Variants in SCP2 observed in about 807,000 individuals in gnomAD.
SCP2 encodes the protein SCP-2/3-oxoacyl-CoA thiolase.
In SCP2, 48 loss-of-function variants were observed where a neutral mutation model predicts 71.4. The observed-to-expected ratio is 0.67, with a 90% CI of 0.53 to 0.86. The LOEUF (loss-of-function observed/expected upper bound fraction) is 0.86. SCP2 is among the 40% of genes least tolerant of loss of function. The pLI, the probability that SCP2 is intolerant of heterozygous loss-of-function variation, is 0.00. For synonymous variants in SCP2, 220 were observed against 218.1 expected (o/e 1.01, Z -0.08); for missense variants, 560 against 655.6 (o/e 0.85, Z 1.59).
intron 6 of SCP2, among the ~76,000 whole-genome samples, chr1:52,970,947 A>G (rs1657416640): frequency 7.2e-6 from 1 of 139,030 alleles, no homozygotes; most frequent in African/African-American, 2.7e-5. Context: ...TATTGGTTTT[A>G]GAGGCTATAG....
rs1572208832 is a variant in SCP2 at position 53,028,587 on chromosome 1, T to A, written c.1338+516T>A. ...TTAAAAAATACTATACAGAAATATA[T>A]GTTTATGAATAGTATAAATTTTATA... On this transcript the variant is annotated intron_variant, in intron 13 of 15. Transcript: ENST00000371514. Among the ~76,000 whole-genome samples, 3 of 152,138 alleles carry A rather than the reference T, an allele frequency of 2.0e-5. No individual in the cohort carries two copies. In the East Asian group the frequency reaches 5.8e-4, roughly 29 times the overall value.
intron 11 of SCP2, among the ~76,000 whole-genome samples, chr1:53,005,580 T>G (rs1660581980): frequency 6.6e-6 from 1 of 152,080 alleles, no homozygotes. Flanking sequence ...GAAGGAAAAT[T>G]AACAAACAGA....
At chr1:53,033,541 G>A (rs1450575641) in intron 13 of SCP2, among the ~76,000 whole-genome samples, 3 of 147,958 alleles carry the variant, frequency 2.0e-5, no homozygotes, top group African/African-American at 7.5e-5. Context: ...GGAGGCAGAC[G>A]TTGCAGTGAG....
At chr1:52,943,026 A>G (rs945949274) in intron 2 of SCP2, among the ~76,000 whole-genome samples, 2 of 151,906 alleles carry the variant, frequency 1.3e-5, no homozygotes, top group African/African-American at 2.4e-5. Context: ...TTATCCCTGC[A>G]GTTATACTAA....
intron 2 of SCP2, among the ~76,000 whole-genome samples, chr1:52,947,301 G>C (rs1190740089): frequency 1.5e-5 from 2 of 136,758 alleles, no homozygotes; most frequent in South Asian, 2.4e-4. Context: ...TCTCAGGCCT[G>C]TTCCCCATGG....
rs77858034 is a variant in SCP2, at chr1:52,941,972, G to T, written c.127+119G>T. The stretch of plus-strand genomic sequence containing the variant: ...AAGCCCAGTCAAGGGAGAAGAACCC[G>T]TACAGAGAAATGTCTAGTGACTCAC... On this transcript the variant is annotated intron_variant, in intron 2 of 15. Coordinates refer to ENST00000371514, the MANE Select transcript of SCP2 (RefSeq NM_002979.5). 8.7e-4 allele frequency: 630 copies of T among 723,636 alleles called. 5 individuals are homozygous for T. The African/African-American group carries it at 0.01, about 12-fold the overall frequency. The allele number at this position is 723,636 out of a possible 1,614,324, so 44.8% of individuals were successfully genotyped here.
chr1:52,937,236 A>G (rs542327857), intron 1 of SCP2, among the ~76,000 whole-genome samples: 1 of 152,334 alleles, frequency 6.6e-6, no homozygotes, highest in African/African-American at 2.4e-5. Context: ...GTCAGTTTCT[A>G]ACAAGAAATA....
At chr1:52,938,147 T>TTTCA (rs948966034) in intron 1 of SCP2, among the ~76,000 whole-genome samples, 3 of 152,178 alleles carry the variant, frequency 2.0e-5, no homozygotes, top group Non-Finnish European at 2.9e-5. Flanking sequence ...TCTTAGCTGA[T>TTTCA]TTCAGCTGGT....
chr1:53,039,133 C>G (rs75532580), intron 14 of SCP2, 87 bp downstream of exon 14: 2 of 1,500,748 alleles, frequency 1.3e-6, no homozygotes, highest in Admixed American at 1.7e-5. Context: ...CTTTACTGTT[C>G]CCAAAAAGGA....
intron 11 of SCP2, among the ~76,000 whole-genome samples, chr1:53,008,549 T>C (rs867107570): frequency 3.9e-5 from 6 of 152,224 alleles, no homozygotes; most frequent in Non-Finnish European, 7.3e-5. Context: ...TCTCAATAGA[T>C]GCAGAAAAGG....
At chr1:52,976,390 A>G (rs1657971737) in intron 7 of SCP2, among the ~76,000 whole-genome samples, 1 of 152,186 alleles carries the variant, frequency 6.6e-6, no homozygotes, top group South Asian at 2.1e-4. Flanking sequence ...GGCCCACCAT[A>G]AGTGACCTCA....
chr1:52,962,391 G>T (rs1219792339), intron 6 of SCP2, among the ~76,000 whole-genome samples: 3 of 151,938 alleles, frequency 2.0e-5, no homozygotes, highest in East Asian at 1.9e-4. Flanking sequence ...GTTCTAACTG[G>T]TTTCTCTACT....
chr1:52,965,057 A>T (rs967538052), intron 6 of SCP2, among the ~76,000 whole-genome samples: 31 of 152,322 alleles, frequency 2.0e-4, no homozygotes, highest in Middle Eastern at 3.4e-3. Flanking sequence ...AAATTAATTT[A>T]AAAAAGTTTG....
chr1:52,962,105 G>A (rs1400572003), intron 6 of SCP2, among the ~76,000 whole-genome samples: 1 of 152,108 alleles, frequency 6.6e-6, no homozygotes, highest in African/African-American at 2.4e-5. Context: ...TTTTTGCCAT[G>A]TTGCCCAGGC....
intron 11 of SCP2, among the ~76,000 whole-genome samples, chr1:53,012,906 G>A (rs1363344777): frequency 6.6e-6 from 1 of 152,096 alleles, no homozygotes; most frequent in African/African-American, 2.4e-5. Context: ...GTTCTTTTGT[G>A]AAGACAACTA....
At chr1:52,979,296 C>T (rs955555578) in intron 9 of SCP2, among the ~76,000 whole-genome samples, 3 of 151,926 alleles carry the variant, frequency 2.0e-5, no homozygotes, top group South Asian at 2.1e-4. Flanking sequence ...TTCAGCCTCT[C>T]GAGAAAGTGG....
At chr1:53,036,097 A>G (rs1320637566) in intron 13 of SCP2, among the ~76,000 whole-genome samples, 1 of 151,198 alleles carries the variant, frequency 6.6e-6, no homozygotes, top group African/African-American at 2.4e-5. Flanking sequence ...TCAACAGGAT[A>G]TTGGTTAAAT....
At chr1:52,936,767 T>C (rs1242340513) in intron 1 of SCP2, among the ~76,000 whole-genome samples, 1 of 151,968 alleles carries the variant, frequency 6.6e-6, no homozygotes, top group Non-Finnish European at 1.5e-5. Context: ...TCCAAGAGAG[T>C]AATTACTGTA....
intron 6 of SCP2, among the ~76,000 whole-genome samples, chr1:52,972,054 A>G (rs1657548813): frequency 6.6e-6 from 1 of 152,100 alleles, no homozygotes; most frequent in African/African-American, 2.4e-5. Flanking sequence ...ATTTGGGGGT[A>G]TTGTTTCTTT....
Sources: gnomAD v4.1 joint callset for allele counts (sites outside exome capture counted in the v4.1 genomes callset) on GRCh38, gnomAD v4.1.1 for gene constraint, MANE v1.5 for transcripts, NCBI Gene and HGNC (gene_info 2026-07-23, HGNC 2026-07-21) for gene names.